Variants in RAB3C observed in about 807,000 individuals in gnomAD.
RAB3C encodes the protein ras-related protein Rab-3C.
RAB3C carries 17 observed loss-of-function variants against 26.4 expected under a neutral mutation model. The observed-to-expected ratio is 0.64, with a 90% CI of 0.44 to 0.97. The LOEUF (loss-of-function observed/expected upper bound fraction) is 0.97. Ranked by LOEUF, RAB3C falls within the 50% of genes least tolerant of loss-of-function variation. The pLI is 0.00. For missense variants in RAB3C, 242 were observed against 281.9 expected (o/e 0.86, Z 1.01); for synonymous variants, 91 against 95.9 (o/e 0.95, Z 0.30).
rs910213515 is a variant in RAB3C at position 58,726,607 on chromosome 5, A to G, written c.371+487A>G. 8.6e-5 allele frequency among the ~76,000 whole-genome samples: 13 copies of G among 151,972 alleles called. 1 individual carries two copies. Among genetic ancestry groups the G allele is most frequent in the Admixed American group, 4.6e-4 (7 of 15,236 alleles). ...TTGCAACAGAAACCATATTGCCGGT[A>G]AAGCCTAAAATATTTTCGATCTGTC... On this transcript the variant is annotated intron_variant, in intron 3 of 4. Transcript: ENST00000282878.
rs112615853 is a variant in RAB3C at position 58,740,895 on chromosome 5, A to G, written c.371+14775A>G. On this transcript the variant is annotated intron_variant, in intron 3 of 4. Transcript: ENST00000282878. ...CTCAAAGTTAACTAAACTCAAGGTT[A>G]AGGACACAGCTCTCCACAAGATTGG... 5.9e-3 allele frequency among the ~76,000 whole-genome samples: 895 copies of G among 152,292 alleles called. 7 individuals are homozygous for G. Among genetic ancestry groups the G allele is most frequent in the African/African-American group, 0.019 (788 of 41,558 alleles).
At chr5:58,715,778 T>C (rs1749157733) in intron 2 of RAB3C, among the ~76,000 whole-genome samples, 1 of 152,064 alleles carries the variant, frequency 6.6e-6, no homozygotes. Flanking sequence ...ATCAGAAGCC[T>C]GTACAGCACC....
rs116524973 is a variant in RAB3C at position 58,740,853 on chromosome 5, C to A, written c.371+14733C>A. ...ATATATCTTAACAGAAAAAAAAAATCATCAAATATGTGTCTACTCAAAGTT... is the reference window on the plus strand; with the variant it reads ...ATATATCTTAACAGAAAAAAAAAATAATCAAATATGTGTCTACTCAAAGTT... On this transcript the variant is annotated intron_variant, in intron 3 of 4. Coordinates refer to ENST00000282878, the MANE Select transcript of RAB3C (RefSeq NM_138453.4). Among the ~76,000 whole-genome samples, 989 of 151,900 alleles carry A rather than the reference C, an allele frequency of 6.5e-3. 13 individuals are homozygous for A. The highest frequency in any genetic ancestry group is 0.023 in the African/African-American group (933 of 41,432).
intron 3 of RAB3C, among the ~76,000 whole-genome samples, chr5:58,764,077 A>C (rs778563902): frequency 3.3e-5 from 5 of 152,188 alleles, no homozygotes; most frequent in Non-Finnish European, 5.9e-5. Context: ...AACAAGCCTA[A>C]TTTGGTATCA....
intron 2 of RAB3C, among the ~76,000 whole-genome samples, chr5:58,691,848 C>A (rs552521418): frequency 6.6e-6 from 1 of 152,266 alleles, no homozygotes; most frequent in Admixed American, 6.5e-5. Flanking sequence ...TACCATGATT[C>A]GATTAGTGTG....
chr5:58,805,163 C>T (rs187837421), intron 3 of RAB3C, among the ~76,000 whole-genome samples: 6 of 152,164 alleles, frequency 3.9e-5, no homozygotes, highest in East Asian at 1.9e-4. Context: ...TGAGAGACTA[C>T]AAGCAAGTCT....
chr5:58,691,725 G>T (rs1393680081), intron 2 of RAB3C, among the ~76,000 whole-genome samples: 2 of 152,146 alleles, frequency 1.3e-5, no homozygotes, highest in African/African-American at 4.8e-5. Context: ...ACAAGTGGGT[G>T]TTTGATCTCA....
At chr5:58,681,401 A>G (rs1282896274) in intron 2 of RAB3C, among the ~76,000 whole-genome samples, 1 of 152,214 alleles carries the variant, frequency 6.6e-6, no homozygotes, top group Non-Finnish European at 1.5e-5. Context: ...GGAAAATTGG[A>G]CAGGCAATTA....
At chr5:58,792,192 T>A (rs919275359) in intron 3 of RAB3C, among the ~76,000 whole-genome samples, 1 of 152,238 alleles carries the variant, frequency 6.6e-6, no homozygotes, top group Admixed American at 6.5e-5. Flanking sequence ...GAGCTTATTA[T>A]AATAATTTAG....
intron 4 of RAB3C, among the ~76,000 whole-genome samples, chr5:58,843,834 T>C (rs567446554): frequency 5.9e-5 from 9 of 152,310 alleles, no homozygotes; most frequent in Non-Finnish European, 1.2e-4. Flanking sequence ...ACGTCATAAC[T>C]AAAAACAAAG....
intron 4 of RAB3C, among the ~76,000 whole-genome samples, chr5:58,841,479 G>A (rs1743874161): frequency 6.6e-6 from 1 of 152,108 alleles, no homozygotes; most frequent in Non-Finnish European, 1.5e-5. Context: ...CCAGAGAAGG[G>A]TGGACCCCAG....
intron 1 of RAB3C, among the ~76,000 whole-genome samples, chr5:58,615,525 C>T (rs1746804740): frequency 6.6e-6 from 1 of 152,136 alleles, no homozygotes; most frequent in Non-Finnish European, 1.5e-5. Context: ...CAGAAATCAT[C>T]ATGGCAAAAG....
chr5:58,665,097 AG>A (rs1332990113), intron 2 of RAB3C, among the ~76,000 whole-genome samples: 1 of 152,184 alleles, frequency 6.6e-6, no homozygotes, highest in East Asian at 1.9e-4. Flanking sequence ...TTCCTGAAAA[AG>A]GACTTCCCTG....
At chr5:58,716,693 G>T (rs1749179664) in intron 2 of RAB3C, among the ~76,000 whole-genome samples, 1 of 150,596 alleles carries the variant, frequency 6.6e-6, no homozygotes, top group Middle Eastern at 3.2e-3. Context: ...ATACTTTGAT[G>T]TTTTATCTAA....
chr5:58,823,765 T>G (rs1743405672), intron 3 of RAB3C: 1 of 152,254 alleles, frequency 6.6e-6, no homozygotes, highest in African/African-American at 2.4e-5. Context: ...CTTTTTTTAT[T>G]TTATTATTAT....
At chr5:58,646,432 A>G (rs1314322030) in intron 2 of RAB3C, among the ~76,000 whole-genome samples, 1 of 152,128 alleles carries the variant, frequency 6.6e-6, no homozygotes, top group Non-Finnish European at 1.5e-5. Flanking sequence ...AAGAAAATCT[A>G]TTATACATAA....
At chr5:58,811,018 G>T (rs1219538202) in intron 3 of RAB3C, among the ~76,000 whole-genome samples, 2 of 152,168 alleles carry the variant, frequency 1.3e-5, no homozygotes, top group African/African-American at 4.8e-5. Flanking sequence ...CCATACGGAG[G>T]CACAGTAAGA....
chr5:58,604,490 T>A (rs904919780), intron 1 of RAB3C, among the ~76,000 whole-genome samples: 1 of 152,172 alleles, frequency 6.6e-6, no homozygotes, highest in Non-Finnish European at 1.5e-5. Context: ...TTGCTTCAGC[T>A]GCTGTGGGGC....
At chr5:58,641,407 A>G (rs1747409765) in intron 2 of RAB3C, among the ~76,000 whole-genome samples, 1 of 152,216 alleles carries the variant, frequency 6.6e-6, no homozygotes. Context: ...ATTTATTTTC[A>G]TATTGGTCAA....
Sources: gnomAD v4.1 joint callset for allele counts (sites outside exome capture counted in the v4.1 genomes callset) on GRCh38, gnomAD v4.1.1 for gene constraint, MANE v1.5 for transcripts, NCBI Gene and HGNC (gene_info 2026-07-23, HGNC 2026-07-21) for gene names.